TMED3: variants seen among roughly 807,000 people sequenced by gnomAD.
TMED3 encodes transmembrane p24 trafficking protein 3, also known as transmembrane emp24 domain-containing protein 3.
In TMED3, 9 loss-of-function variants were observed where a neutral mutation model predicts 15.0. The ratio of observed to expected loss-of-function variants is 0.60; its 90% CI spans 0.36 to 1.04. TMED3 has a LOEUF of 1.04. Ranked by LOEUF, TMED3 falls within the 50% of genes least tolerant of loss-of-function variation. TMED3 has a pLI of 0.01. For missense variants in TMED3, 267 were observed against 278.9 expected (o/e 0.96, Z 0.30); for synonymous variants, 117 against 121.4 (o/e 0.96, Z 0.24).
chr15:79,311,507 A>C, intron 1 of TMED3, 90 bp downstream of exon 1: 1 of 1,442,640 alleles, frequency 6.9e-7, no homozygotes, highest in African/African-American at 1.4e-5. Context: ...AGGCGCTCGA[A>C]TTAGCCACAG....
At chr15:79,313,713 G>T in intron 1 of TMED3, 44 bp from the exon 2 acceptor site, 4 of 1,589,554 alleles carry the variant, frequency 2.5e-6, no homozygotes, top group Non-Finnish European at 3.4e-6. Flanking sequence ...TTTGGTAAGT[G>T]GTGGTTGCTC....
chr15:79,410,253 A>T (rs1349639136), intron 2 of TMED3, among the ~76,000 whole-genome samples: 1 of 152,212 alleles, frequency 6.6e-6, no homozygotes, highest in Non-Finnish European at 1.5e-5. Flanking sequence ...GACATTAAAT[A>T]TTATAGATTC....
At chr15:79,336,045 G>A (rs1395855875) in intron 2 of TMED3, among the ~76,000 whole-genome samples, 4 of 152,144 alleles carry the variant, frequency 2.6e-5, no homozygotes, top group African/African-American at 9.7e-5. Flanking sequence ...AAAGCCATTT[G>A]GTCATCTCAA....
intron 2 of TMED3, among the ~76,000 whole-genome samples, chr15:79,342,886 A>G (rs2058856549): frequency 6.6e-6 from 1 of 152,224 alleles, no homozygotes; most frequent in Non-Finnish European, 1.5e-5. Context: ...TAGTAAATGT[A>G]TGTAATATTA....
rs774530976 is a variant in TMED3 at position 79,311,113 on chromosome 15, C to T, written c.-137C>T. On this transcript the variant is annotated 5_prime_UTR_variant, in exon 1 of 3. Coordinates refer to ENST00000299705, the MANE Select transcript of TMED3 (RefSeq NM_007364.4). ...GCGGCTGCGCACTGAGCCGCCGGCCCTCCCGGAAGCGCAGAGCTCCGCTGG... is the reference window on the plus strand; with the variant it reads ...GCGGCTGCGCACTGAGCCGCCGGCCTTCCCGGAAGCGCAGAGCTCCGCTGG... 30 of 993,510 alleles carry T rather than the reference C, an allele frequency of 3.0e-5. No homozygotes were observed. Among genetic ancestry groups the T allele is most frequent in the Admixed American group, 1.7e-4 (5 of 29,104 alleles). The allele number at this position is 993,510 out of a possible 1,614,324, so 61.5% of individuals were successfully genotyped here.
chr15:79,327,674 A>G (rs1278842218), downstream of TMED3, among the ~76,000 whole-genome samples: 2 of 152,228 alleles, frequency 1.3e-5, no homozygotes, highest in Non-Finnish European at 2.9e-5. Context: ...ACTACTAAAT[A>G]AACTTGATGT....
chr15:79,394,125 G>A (rs1893733625), intron 2 of TMED3, among the ~76,000 whole-genome samples: 1 of 152,054 alleles, frequency 6.6e-6, no homozygotes, highest in African/African-American at 2.4e-5. Context: ...GCTGAAGAGG[G>A]TCTGCATAGT....
At chr15:79,372,228 A>T (rs531981688) in intron 2 of TMED3, among the ~76,000 whole-genome samples, 2 of 152,326 alleles carry the variant, frequency 1.3e-5, no homozygotes, top group East Asian at 3.9e-4. Flanking sequence ...GAAATGGTGG[A>T]GATAGGCAGG....
At chr15:79,396,976 A>G (rs903858496) in intron 2 of TMED3, among the ~76,000 whole-genome samples, 2 of 152,170 alleles carry the variant, frequency 1.3e-5, no homozygotes, top group South Asian at 4.1e-4. Flanking sequence ...CGTGGCTTGC[A>G]TTATGTTTGT....
At position 79,367,243 on chromosome 15, in the gene TMED3, T is replaced by A. The variant is rs1016853498; in HGVS notation, c.418-44157T>A. Among the ~76,000 whole-genome samples, 6 of 152,262 alleles carry A rather than the reference T, an allele frequency of 3.9e-5. No homozygotes were observed. In the East Asian group the frequency reaches 5.8e-4, roughly 15 times the overall value. On this transcript the variant is annotated intron_variant, in intron 2 of 2. Coordinates refer to the TMED3 transcript ENST00000424155. ...TTGGTCAGCAGGTTACTGGATACTA[T>A]AGAAAATTGGATTAGTGAAGTGGAA...
At chr15:79,340,619 A>G (rs149325377) in intron 2 of TMED3, among the ~76,000 whole-genome samples, 20 of 152,382 alleles carry the variant, frequency 1.3e-4, no homozygotes, top group African/African-American at 3.1e-4. Context: ...AATGTTAGCC[A>G]TAATTGTTAT....
In TMED3 at chr15:79,370,653, G is replaced by GA. The variant is rs543760599; in HGVS notation, c.418-40746dup. Among the ~76,000 whole-genome samples, 55 of 151,996 alleles carry GA rather than the reference G, an allele frequency of 3.6e-4. No individual in the cohort carries two copies. In the South Asian group the frequency reaches 0.012, roughly 32 times the overall value. Reference sequence around the variant, plus strand: ...GTCACATGTCTGTGTCTGATTTTATGACCTCCTAAGTGACAGAATTCGGTT... The same window carrying GA: ...GTCACATGTCTGTGTCTGATTTTATGAACCTCCTAAGTGACAGAATTCGGTT... On this transcript the variant is annotated intron_variant, in intron 2 of 2. Coordinates refer to the TMED3 transcript ENST00000424155.
chr15:79,382,450 A>G (rs1893551380), intron 2 of TMED3, among the ~76,000 whole-genome samples: 1 of 152,198 alleles, frequency 6.6e-6, no homozygotes, highest in Non-Finnish European at 1.5e-5. Context: ...TGGAGCTGCT[A>G]CTTGCTGATA....
chr15:79,339,825 GTGATGGTGGTGA>G (rs1457425669), intron 2 of TMED3, among the ~76,000 whole-genome samples: 3 of 151,054 alleles, frequency 2.0e-5, no homozygotes, highest in East Asian at 2.0e-4. Flanking sequence ...GATGGTAGTG[GTGATGGTGGTGA>G]TGATGGTGGT....
intron 2 of TMED3, among the ~76,000 whole-genome samples, chr15:79,334,073 G>A (rs545899599): frequency 5.9e-5 from 9 of 152,226 alleles, no homozygotes; most frequent in Middle Eastern, 3.4e-3. Flanking sequence ...AGAACTAATA[G>A]CTTAAGAGTA....
intron 2 of TMED3, among the ~76,000 whole-genome samples, chr15:79,338,772 A>G (rs1446437674): frequency 6.6e-6 from 1 of 152,206 alleles, no homozygotes; most frequent in Non-Finnish European, 1.5e-5. Context: ...TGTTATGCCC[A>G]GACAGGGCCA....
chr15:79,389,685 A>G (rs570982118), intron 2 of TMED3, among the ~76,000 whole-genome samples: 5 of 152,222 alleles, frequency 3.3e-5, no homozygotes, highest in Admixed American at 2.6e-4. Context: ...TTTTGGCAGT[A>G]TGGTCGTTTT....
intron 2 of TMED3, among the ~76,000 whole-genome samples, chr15:79,356,413 T>C (rs2058919001): frequency 1.3e-5 from 2 of 152,224 alleles, no homozygotes; most frequent in African/African-American, 4.8e-5. Context: ...AATGGAAGAA[T>C]AAATGAATTT....
At chr15:79,393,819 C>T (rs1034842706) in intron 2 of TMED3, among the ~76,000 whole-genome samples, 4 of 152,178 alleles carry the variant, frequency 2.6e-5, no homozygotes, top group African/African-American at 9.7e-5. Flanking sequence ...CCTCAGCCTC[C>T]TGAGTATCTG....
Sources: gnomAD v4.1 joint callset for allele counts (sites outside exome capture counted in the v4.1 genomes callset) on GRCh38, gnomAD v4.1.1 for gene constraint, MANE v1.5 for transcripts, NCBI Gene and HGNC (gene_info 2026-07-23, HGNC 2026-07-21) for gene names.